LAPTM4B: variants seen among roughly 807,000 people sequenced by gnomAD.
LAPTM4B encodes lysosomal-associated transmembrane protein 4B.
Under a neutral mutation model 28.5 loss-of-function variants are expected in LAPTM4B, and 26 were observed. The ratio of observed to expected loss-of-function variants is 0.91; its 90% CI spans 0.67 to 1.27. The LOEUF is 1.27. LAPTM4B is among the 50% of genes most tolerant of loss of function. The pLI, the probability that LAPTM4B is intolerant of heterozygous loss-of-function variation, is 0.00. For synonymous variants in LAPTM4B, 109 were observed against 106.4 expected (o/e 1.02, Z -0.15); for missense variants, 288 against 285.8 (o/e 1.01, Z -0.06).
chr8:97,842,247 T>C (rs1177024441), intron 6 of LAPTM4B, among the ~76,000 whole-genome samples: 1 of 152,182 alleles, frequency 6.6e-6, no homozygotes, highest in Non-Finnish European at 1.5e-5. Flanking sequence ...AATTTTTTTT[T>C]CCTTCAACCA....
At chr8:97,788,113 A>C (rs1586320395) in intron 1 of LAPTM4B, 1 of 155,048 alleles carries the variant, frequency 6.4e-6, no homozygotes, top group African/African-American at 2.4e-5. Context: ...AAAACGTCCA[A>C]CTGTCCAGAT....
chr8:97,805,539 T>C (rs1444348948), intron 2 of LAPTM4B, 75 bp downstream of exon 2: 7 of 820,542 alleles, frequency 8.5e-6, no homozygotes, highest in Non-Finnish European at 1.3e-5. Flanking sequence ...ATTACAAATA[T>C]AGACTCGTGA....
At chr8:97,850,476 G>GTGTGTGTGTGTGTGTGTGTATGTGTA in intron 6 of LAPTM4B, among the ~76,000 whole-genome samples, 1 of 147,672 alleles carries the variant, frequency 6.8e-6, no homozygotes, top group South Asian at 2.1e-4. Flanking sequence ...GTGTGTGTGT[G>GTGTGTGTGTGTGTGTGTGTATGTGTA]TGTGTGTGTG....
At position 97,780,496 on chromosome 8, in the gene LAPTM4B, T is replaced by A. The variant is rs116660461; in HGVS notation, c.99+4388T>A. On this transcript the variant is annotated intron_variant, in intron 1 of 6. Coordinates refer to ENST00000521545, the MANE Select transcript of LAPTM4B (RefSeq NM_018407.6). ...GGCTCATTTAAGTAATTTCCTGTTT[T>A]GCAAGATAGGTAAAGTGGATCTTTT... is the stretch of plus-strand genomic sequence containing the variant. 1.1e-3 allele frequency among the ~76,000 whole-genome samples: 175 copies of A among 152,344 alleles called. 1 individual carries two copies. The highest frequency in any genetic ancestry group is 4.0e-3 in the African/African-American group (167 of 41,590).
At chr8:97,831,666 G>T (rs1817184265) in intron 6 of LAPTM4B, among the ~76,000 whole-genome samples, 2 of 152,302 alleles carry the variant, frequency 1.3e-5, no homozygotes. Context: ...CACTTGCCTT[G>T]AGTTGGAAAG....
chr8:97,818,558 A>T (rs1310982972), intron 4 of LAPTM4B, among the ~76,000 whole-genome samples: 3 of 152,174 alleles, frequency 2.0e-5, no homozygotes, highest in Admixed American at 2.0e-4. Context: ...GTAGTGCTTG[A>T]TTATTTCCCC....
rs544219088 is a variant in LAPTM4B at position 97,851,485 on chromosome 8, G to A, written c.*11G>A. 5.6e-6 allele frequency: 9 copies of A among 1,608,408 alleles called. No homozygotes were observed. The South Asian group carries it at 8.8e-5, about 16-fold the overall frequency. ...TACGTGTCTGCCTAAGCCTTCAAGT[G>A]GGCGGAGCTGAGGGCAGCAGCTTGA... On this transcript the variant is annotated 3_prime_UTR_variant, in exon 7 of 7. Coordinates refer to ENST00000521545, the MANE Select transcript of LAPTM4B (RefSeq NM_018407.6).
intron 2 of LAPTM4B, among the ~76,000 whole-genome samples, chr8:97,814,712 G>A (rs1361208113): frequency 2.0e-5 from 3 of 151,842 alleles, no homozygotes; most frequent in Non-Finnish European, 4.4e-5. Flanking sequence ...TTATTTTTTT[G>A]AGATGGAGTC....
chr8:97,851,518 G>A lies in LAPTM4B; in HGVS notation c.*44G>A, dbSNP rs370457900. On this transcript the variant is annotated 3_prime_UTR_variant, in exon 7 of 7. Coordinates refer to ENST00000521545, the MANE Select transcript of LAPTM4B (RefSeq NM_018407.6). The stretch of plus-strand genomic sequence containing the variant: ...CTGAGGGCAGCAGCTTGACTTTGCA[G>A]ACATCTGAGCAATAGTTCTGTTATT... 27 of 1,404,304 alleles carry A rather than the reference G, an allele frequency of 1.9e-5. No homozygotes were observed. In the African/African-American group the frequency reaches 3.4e-4, roughly 18 times the overall value. 87.0% of individuals were successfully genotyped at this position (1,404,304 alleles called of 1,614,324 possible).
In LAPTM4B at chr8:97,806,935, G is replaced by T. The variant is rs560877758; in HGVS notation, c.211+1471G>T. ...ATCGCGCCAGTGCACTTCAGCCTGGGCAACAGGTCACTTTTGCTTTTTCTT... is the reference window on the plus strand; with the variant it reads ...ATCGCGCCAGTGCACTTCAGCCTGGTCAACAGGTCACTTTTGCTTTTTCTT... On this transcript the variant is annotated intron_variant, in intron 2 of 6. Transcript: ENST00000521545. Among the ~76,000 whole-genome samples the T allele has an allele frequency of 3.9e-5, 6 of 152,248 alleles. No homozygotes were observed. The South Asian group carries it at 1.0e-3, about 26-fold the overall frequency.
intron 3 of LAPTM4B, 36 bp from the exon 4 acceptor site, chr8:97,816,022 T>A: frequency 6.6e-7 from 1 of 1,505,242 alleles, no homozygotes; most frequent in Non-Finnish European, 9.0e-7. Context: ...TTTATAATAT[T>A]GAACACATTA....
In LAPTM4B at chr8:97,800,848, G is replaced by A. The variant is rs577826294; in HGVS notation, c.100-4505G>A. 3.9e-4 allele frequency among the ~76,000 whole-genome samples: 59 copies of A among 152,044 alleles called. 1 individual carries two copies. The highest frequency in any genetic ancestry group is 1.4e-3 in the African/African-American group (58 of 41,456). On this transcript the variant is annotated intron_variant, in intron 1 of 6. Transcript: ENST00000521545. ...AAAATACAAAGTCAGGTGGTGGCTCGCGCATTTAATCCCAGGACTTCGGGA... is the reference window on the plus strand; with the variant it reads ...AAAATACAAAGTCAGGTGGTGGCTCACGCATTTAATCCCAGGACTTCGGGA...
At chr8:97,827,258 C>T (rs1817104050) in intron 6 of LAPTM4B, among the ~76,000 whole-genome samples, 1 of 152,212 alleles carries the variant, frequency 6.6e-6, no homozygotes, top group Admixed American at 6.5e-5. Context: ...TTCTAATCTT[C>T]CCCCTTCCTT....
chr8:97,826,017 A>G (rs1374959356), intron 6 of LAPTM4B, among the ~76,000 whole-genome samples: 1 of 152,132 alleles, frequency 6.6e-6, no homozygotes, highest in Non-Finnish European at 1.5e-5. Context: ...TTGGTTTTTT[A>G]GTTTGCTTGT....
intron 2 of LAPTM4B, among the ~76,000 whole-genome samples, chr8:97,807,531 T>C (rs1816773017): frequency 6.6e-6 from 1 of 152,204 alleles, no homozygotes; most frequent in Non-Finnish European, 1.5e-5. Flanking sequence ...TACTATTATC[T>C]AGATTGTTAT....
At chr8:97,806,653 T>C (rs1816758445) in intron 2 of LAPTM4B, among the ~76,000 whole-genome samples, 1 of 152,016 alleles carries the variant, frequency 6.6e-6, no homozygotes, top group Non-Finnish European at 1.5e-5. Flanking sequence ...GGGGAGGTAA[T>C]TGAATTGTGG....
chr8:97,838,718 G>C (rs1449120261), intron 6 of LAPTM4B, among the ~76,000 whole-genome samples: 3 of 152,178 alleles, frequency 2.0e-5, no homozygotes, highest in Non-Finnish European at 4.4e-5. Flanking sequence ...AGGATGAGGA[G>C]TGAAACATGT....
intron 1 of LAPTM4B, among the ~76,000 whole-genome samples, chr8:97,795,230 G>C (rs1418921195): frequency 1.3e-5 from 2 of 152,162 alleles, no homozygotes; most frequent in Admixed American, 6.5e-5. Flanking sequence ...CTCCAGAGTA[G>C]CTGGGACCAC....
At chr8:97,823,053 GGGT>G (rs1300474866) in intron 5 of LAPTM4B, among the ~76,000 whole-genome samples, 1 of 152,066 alleles carries the variant, frequency 6.6e-6, no homozygotes, top group African/African-American at 2.4e-5. Flanking sequence ...GCGTTAGCCA[GGGT>G]GGTCTCTATC....
Sources: gnomAD v4.1 joint callset for allele counts (sites outside exome capture counted in the v4.1 genomes callset) on GRCh38, gnomAD v4.1.1 for gene constraint, MANE v1.5 for transcripts, NCBI Gene and HGNC (gene_info 2026-07-23, HGNC 2026-07-21) for gene names.